The following MICU3 variants were observed in gnomAD, a reference collection of about 807,000 sequenced individuals.
MICU3 encodes calcium uptake protein 3, mitochondrial.
A neutral mutation model predicts 66.5 loss-of-function variants in MICU3; 62 were observed. The ratio of observed to expected loss-of-function variants is 0.93; its 90% CI spans 0.76 to 1.15. MICU3 has a LOEUF of 1.15. Ranked by LOEUF, MICU3 falls within the 50% of genes most tolerant of loss-of-function variation. The pLI is 0.00. For synonymous variants in MICU3, 308 were observed against 240.7 expected (o/e 1.28, Z -2.59); for missense variants, 779 against 664.4 (o/e 1.17, Z -1.90).
rs559250100 is a variant in MICU3 at position 17,047,039 on chromosome 8, AT to A, written c.382-17044del. ...GCTCGTAATCCAAAGCACAAAATAT[AT>A]GAAGTTCTGTGATCAAGAGTCAGTA... On this transcript the variant is annotated intron_variant, in intron 1 of 14. Transcript: ENST00000318063. 2.2e-3 allele frequency among the ~76,000 whole-genome samples: 330 copies of A among 152,330 alleles called. 2 individuals carry two copies. Among genetic ancestry groups the A allele is most frequent in the African/African-American group, 7.3e-3 (302 of 41,578 alleles).
chr8:17,116,005 C>G (rs1037809777), intron 12 of MICU3, among the ~76,000 whole-genome samples: 2 of 152,188 alleles, frequency 1.3e-5, no homozygotes, highest in African/African-American at 4.8e-5. Context: ...GCCTTTCTCT[C>G]CCTTCTCCCT....
chr8:17,118,409 G>T (rs933089400), intron 13 of MICU3, among the ~76,000 whole-genome samples: 1 of 152,094 alleles, frequency 6.6e-6, no homozygotes, highest in Non-Finnish European at 1.5e-5. Context: ...TTTATTGTGA[G>T]AACATTTTAA....
intron 5 of MICU3, among the ~76,000 whole-genome samples, chr8:17,084,938 T>G (rs1480483927): frequency 6.6e-6 from 1 of 151,966 alleles, no homozygotes; most frequent in African/African-American, 2.4e-5. Flanking sequence ...ATGTGACGAG[T>G]TGATATTTTC....
chr8:17,107,731 C>A (rs1452293003), intron 11 of MICU3, among the ~76,000 whole-genome samples: 2 of 152,176 alleles, frequency 1.3e-5, no homozygotes, highest in South Asian at 2.1e-4. Flanking sequence ...TATTGACTCT[C>A]TGGCCCTTTA....
At chr8:17,116,756 A>G (rs565416444) in intron 13 of MICU3, among the ~76,000 whole-genome samples, 156 bp downstream of exon 13, 41 of 152,332 alleles carry the variant, frequency 2.7e-4, no homozygotes, top group African/African-American at 8.7e-4. Flanking sequence ...TTCCCTTAAA[A>G]AACAATTTGA....
At chr8:17,076,959 C>G (rs184820323) in intron 3 of MICU3, among the ~76,000 whole-genome samples, 35 of 152,308 alleles carry the variant, frequency 2.3e-4, no homozygotes, top group Middle Eastern at 3.4e-3. Context: ...TTCAAGTTAT[C>G]TCACCGTCTT....
In MICU3 at chr8:17,027,649, G is replaced by A. The variant is rs1007657526; in HGVS notation, c.370G>A (p.Ala124Thr). The A allele has an allele frequency of 1.5e-6, 2 of 1,300,834 alleles. No homozygotes were observed. The highest frequency in any genetic ancestry group is 4.1e-5 in the Admixed American group (1 of 24,686). 80.6% of individuals were successfully genotyped at this position (1,300,834 alleles called of 1,614,324 possible). The change falls in exon 1 of 15, where the codon GCC (alanine) becomes ACC (threonine). Residue 124 changes from alanine to threonine, a missense_variant. By Grantham distance (58) the Ala-to-Thr change is moderately conservative. Coordinates refer to ENST00000318063, the MANE Select transcript of MICU3 (RefSeq NM_181723.3). The part of the protein sequence containing the change: ...RGMLPIPVAA[A>T]KETVAIGRTD... ...GATGCTGCCCATCCCAGTGGCGGCTGCCAAGGAGACGGTGAGTGCGCGAGC... is the reference window on the plus strand; with the variant it reads ...GATGCTGCCCATCCCAGTGGCGGCTACCAAGGAGACGGTGAGTGCGCGAGC...
intron 1 of MICU3, among the ~76,000 whole-genome samples, chr8:17,039,061 C>T (rs1361111561): frequency 6.6e-6 from 1 of 152,096 alleles, no homozygotes; most frequent in East Asian, 1.9e-4. Context: ...CCATCAACAT[C>T]AAGGCAAGAC....
At chr8:17,028,341 C>T (rs1160171763) in intron 1 of MICU3, among the ~76,000 whole-genome samples, 1 of 152,116 alleles carries the variant, frequency 6.6e-6, no homozygotes, top group Non-Finnish European at 1.5e-5. Flanking sequence ...CTGTGAATGA[C>T]ACAAACTCCT....
At chr8:17,108,624 A>C (rs1253945354) in intron 11 of MICU3, among the ~76,000 whole-genome samples, 2 of 151,720 alleles carry the variant, frequency 1.3e-5, no homozygotes, top group African/African-American at 4.8e-5. Flanking sequence ...GAATTTAACC[A>C]CTCCTAGCCA....
chr8:17,136,614 G>A, the MICU3 span, among the ~76,000 whole-genome samples: 1 of 152,012 alleles, frequency 6.6e-6, no homozygotes, highest in African/African-American at 2.4e-5. Flanking sequence ...GCTACCCTCT[G>A]TCTTGCCAAG....
rs1028210872 is a variant in MICU3 at position 17,120,304 on chromosome 8, G to C, written c.*17G>C. Reference sequence around the variant, plus strand: ...TTTAATTAGATACTCCTAAAACAAAGTTTAAAGGATTACTATCTGTGTGAC... The same window carrying C: ...TTTAATTAGATACTCCTAAAACAAACTTTAAAGGATTACTATCTGTGTGAC... On this transcript the variant is annotated 3_prime_UTR_variant, in exon 15 of 15. Transcript: ENST00000318063. 6 of 151,998 alleles carry C rather than the reference G, an allele frequency of 3.9e-5. No homozygotes were observed. In the East Asian group the frequency reaches 9.7e-4, roughly 24 times the overall value. The allele number at this position is 151,998 out of a possible 1,614,324, so 9.4% of individuals were successfully genotyped here.
intron 6 of MICU3, among the ~76,000 whole-genome samples, chr8:17,086,427 C>G (rs1456795220): frequency 6.6e-6 from 1 of 152,092 alleles, no homozygotes; most frequent in Non-Finnish European, 1.5e-5. Flanking sequence ...AGTCCCTGAG[C>G]CAAGCCACTG....
In MICU3 at chr8:17,120,752, A is replaced by C. The variant is rs1258431864; in HGVS notation, c.*465A>C. On this transcript the variant is annotated 3_prime_UTR_variant, in exon 15 of 15. Coordinates refer to ENST00000318063, the MANE Select transcript of MICU3 (RefSeq NM_181723.3). ...GAGATGAATATTGCTTGAGATTTAT[A>C]ATACCCTTAGAATTAAATTCCTGTT... 6.6e-6 allele frequency: 1 copy of C among 152,468 alleles called. No homozygotes were observed. Among genetic ancestry groups the C allele is most frequent in the Non-Finnish European group, 1.5e-5 (1 of 67,922 alleles). 9.4% of individuals were successfully genotyped at this position (152,468 alleles called of 1,614,324 possible). A position where few individuals can be genotyped will look rare whatever the true frequency, so the allele number is the denominator to read the frequency against.
rs558209926 is a variant in MICU3, at chr8:17,095,984, A to G, written c.889-2474A>G. ...TTACAGGGCACACTACATGCAGGACATCATTTTGGCTGTGCCTTTCACTTG... is the reference window on the plus strand; with the variant it reads ...TTACAGGGCACACTACATGCAGGACGTCATTTTGGCTGTGCCTTTCACTTG... On this transcript the variant is annotated intron_variant, in intron 8 of 14. Transcript: ENST00000318063. Among the ~76,000 whole-genome samples, 4 of 152,134 alleles carry G rather than the reference A, an allele frequency of 2.6e-5. No individual in the cohort carries two copies. In the South Asian group the frequency reaches 8.3e-4, roughly 32 times the overall value.
intron 7 of MICU3, among the ~76,000 whole-genome samples, chr8:17,088,573 T>C (rs1009181146): frequency 1.3e-5 from 2 of 151,954 alleles, no homozygotes; most frequent in Non-Finnish European, 2.9e-5. Flanking sequence ...AATGAATCTA[T>C]TGATATACTT....
chr8:17,114,266 C>G (rs1444078352), intron 12 of MICU3, 65 bp downstream of exon 12: 1 of 1,041,956 alleles, frequency 9.6e-7, no homozygotes, highest in African/African-American at 1.6e-5. Flanking sequence ...TAGATTTTGG[C>G]AACCAATTAA....
In MICU3 at chr8:17,058,101, C is replaced by T. The variant is rs185418000; in HGVS notation, c.382-5983C>T. Among the ~76,000 whole-genome samples the T allele has an allele frequency of 2.6e-3, 402 of 152,194 alleles. 1 individual carries two copies. The highest frequency in any genetic ancestry group is 4.2e-3 in the Non-Finnish European group (285 of 68,014). Reference sequence around the variant, plus strand: ...CTGACCGCAGGTGATCCACCCGCCTCGGCCTCCAAAAGTACCCTATTGACT... The same window carrying T: ...CTGACCGCAGGTGATCCACCCGCCTTGGCCTCCAAAAGTACCCTATTGACT... On this transcript the variant is annotated intron_variant, in intron 1 of 14. Coordinates refer to ENST00000318063, the MANE Select transcript of MICU3 (RefSeq NM_181723.3).
chr8:17,040,127 C>T (rs770976145), intron 1 of MICU3, among the ~76,000 whole-genome samples: 247 of 152,010 alleles, frequency 1.6e-3, no homozygotes, highest in Non-Finnish European at 8.5e-4. Context: ...AGGCTGGTCT[C>T]GAACTCCCGA....
Sources: gnomAD v4.1 joint callset for allele counts (sites outside exome capture counted in the v4.1 genomes callset) on GRCh38, gnomAD v4.1.1 for gene constraint, MANE v1.5 for transcripts, NCBI Gene and HGNC (gene_info 2026-07-23, HGNC 2026-07-21) for gene names.